ABR: variants seen among roughly 807,000 people sequenced by gnomAD.
ABR encodes the protein active breakpoint cluster region-related protein.
Under a neutral mutation model 107.2 loss-of-function variants are expected in ABR, and 35 were observed. That is an observed-to-expected ratio of 0.33 (90% confidence interval 0.25 to 0.43). ABR has a LOEUF of 0.43. ABR is among the 20% of genes least tolerant of loss of function. The probability of loss-of-function intolerance (pLI) is 1.00; values close to 1 mark genes in which losing one functional copy is unlikely to be tolerated. For missense variants in ABR, 815 were observed against 1,115.2 expected (o/e 0.73, Z 3.83); for synonymous variants, 498 against 462.0 (o/e 1.08, Z -1.00).
chr17:1,164,916 G>T lies in ABR; in HGVS notation c.61+14751C>A, dbSNP rs7222721. On this transcript the variant is annotated intron_variant, in intron 1 of 22. Coordinates refer to ENST00000302538, the MANE Select transcript of ABR (RefSeq NM_021962.5). ...CTCCTGGCCTCAAGTGATCCTCCTG[G>T]CCTCCCAATATGCCCAGCCATATGG... is the stretch of plus-strand genomic sequence containing the variant. Among the ~76,000 whole-genome samples, 821 of 152,100 alleles carry T rather than the reference G, an allele frequency of 5.4e-3. 11 individuals carry two copies. Among genetic ancestry groups the T allele is most frequent in the African/African-American group, 0.019 (773 of 41,480 alleles).
intron 1 of ABR, among the ~76,000 whole-genome samples, chr17:1,206,218 G>A (rs1357372632): frequency 1.3e-5 from 2 of 152,314 alleles, no homozygotes; most frequent in Non-Finnish European, 2.9e-5. Flanking sequence ...GACCACTGAC[G>A]TCACATCACT....
rs2040731581 is a variant in ABR, at chr17:1,150,087, T to G, written c.62-24720A>C. Among the ~76,000 whole-genome samples the G allele has an allele frequency of 1.3e-5, 2 of 152,014 alleles. No individual in the cohort carries two copies. The highest frequency in any genetic ancestry group is 4.2e-4 in the South Asian group (2 of 4,794). On this transcript the variant is annotated intron_variant, in intron 1 of 22. Transcript: ENST00000302538. This position sits in a 1 kb window ranked among gnomAD's most constrained non-coding sequence, Gnocchi z 4.8. ...CTGTTGTTATGATTTCTCCCCATAG[T>G]CCCGGCCTGGGAGAGACACCGAGAG...
At chr17:1,106,611 C>T (rs972192457) in intron 2 of ABR, among the ~76,000 whole-genome samples, 8 of 144,756 alleles carry the variant, frequency 5.5e-5, no homozygotes, top group African/African-American at 2.0e-4. Context: ...CTCGCTGCAA[C>T]CTCTGCCTCC....
At chr17:1,082,792 T>C (rs1431225349) in intron 5 of ABR, among the ~76,000 whole-genome samples, 1 of 152,158 alleles carries the variant, frequency 6.6e-6, no homozygotes, top group Admixed American at 6.5e-5. Context: ...CCAGGAAATC[T>C]GTGTTTTAAA....
At chr17:1,039,023 C>T (rs1484422955) in intron 16 of ABR, among the ~76,000 whole-genome samples, 3 of 152,172 alleles carry the variant, frequency 2.0e-5, no homozygotes, top group African/African-American at 7.2e-5. Context: ...TGAAGGGTCA[C>T]CCGAGGTTGG....
In ABR at chr17:1,179,641, G is replaced by A. The variant is rs1451260465; in HGVS notation, c.61+26C>T. On this transcript the variant is annotated intron_variant, in intron 1 of 22. Transcript: ENST00000302538. This position sits in a 1 kb window ranked among gnomAD's most constrained non-coding sequence, Gnocchi z 4.9. ...CTGGGGTCCCGATCCCGATCCTGGG[G>A]TCCCGCCCCCGCCCGGCACACGTAC... is the stretch of plus-strand genomic sequence containing the variant. 1 of 1,509,710 alleles carries A rather than the reference G, an allele frequency of 6.6e-7. No individual in the cohort carries two copies. The highest frequency in any genetic ancestry group is 8.9e-7 in the Non-Finnish European group (1 of 1,127,890). 93.5% of individuals were successfully genotyped at this position (1,509,710 alleles called of 1,614,324 possible).
chr17:1,215,860 G>T, intron 1 of ABR, among the ~76,000 whole-genome samples: 1 of 148,800 alleles, frequency 6.7e-6, no homozygotes, highest in Non-Finnish European at 1.5e-5. Context: ...GGATCCTGTT[G>T]ATCTGTGACC....
Position 1,050,956 on chromosome 17 carries a change from C to T in ABR, c.1562-322G>A, listed in dbSNP as rs147218833. 2.6e-3 allele frequency among the ~76,000 whole-genome samples: 400 copies of T among 152,038 alleles called. 3 individuals are homozygous for T. Among genetic ancestry groups the T allele is most frequent in the African/African-American group, 9.1e-3 (378 of 41,428 alleles). On this transcript the variant is annotated intron_variant, in intron 14 of 22. Transcript: ENST00000302538. This position sits in a 1 kb window ranked among gnomAD's most constrained non-coding sequence, Gnocchi z 4.6. The stretch of plus-strand genomic sequence containing the variant: ...GCCCTCCCCACACTCTGGCCTCCTC[C>T]TCCCTCTAAAGGGCCCTTGACTGTT...
chr17:1,034,407 G>A (rs2073018125), intron 16 of ABR, among the ~76,000 whole-genome samples: 1 of 152,172 alleles, frequency 6.6e-6, no homozygotes, highest in Non-Finnish European at 1.5e-5. Flanking sequence ...AGGCAGACAA[G>A]CATTTGTGCA....
intron 1 of ABR, among the ~76,000 whole-genome samples, chr17:1,138,458 T>A (rs1001695326): frequency 6.6e-6 from 1 of 152,018 alleles, no homozygotes; most frequent in Non-Finnish European, 1.5e-5. Flanking sequence ...TTGAAAAGCT[T>A]TTTTTTGTTT....
intron 1 of ABR, among the ~76,000 whole-genome samples, chr17:1,206,638 T>C (rs1338628352): frequency 1.8e-4 from 28 of 152,130 alleles, no homozygotes; most frequent in Admixed American, 1.8e-3. Context: ...GTTAGATGGG[T>C]TGATCTTGAA....
chr17:1,110,541 AT>A (rs2038612435), intron 2 of ABR, among the ~76,000 whole-genome samples: 1 of 152,196 alleles, frequency 6.6e-6, no homozygotes, highest in African/African-American at 2.4e-5. Flanking sequence ...ATGGCAAATA[AT>A]TAACATTTTA....
rs757854110 is a variant in ABR, at chr17:1,079,442, AG to A, written c.640-53del. 1.5e-4 allele frequency: 232 copies of A among 1,525,962 alleles called. 2 individuals are homozygous for A. The highest frequency in any genetic ancestry group is 1.4e-3 in the South Asian group (118 of 86,896). The allele number at this position is 1,525,962 out of a possible 1,614,324, so 94.5% of individuals were successfully genotyped here. ...GCCTGTTCTGTCCCTCACCTCTCCC[AG>A]CCCCCACTGTGAGCCTGGCAAGAAG... On this transcript the variant is annotated intron_variant, in intron 5 of 22. Transcript: ENST00000302538.
chr17:1,076,723 T>C (rs751757081), intron 6 of ABR, among the ~76,000 whole-genome samples: 26 of 12,916 alleles, frequency 2.0e-3, no homozygotes, highest in Non-Finnish European at 3.5e-3. Flanking sequence ...ACGGGGGGGG[T>C]GGGGGTGGGG....
chr17:1,043,439 G>A (rs1171223857), intron 16 of ABR, among the ~76,000 whole-genome samples: 1 of 152,198 alleles, frequency 6.6e-6, no homozygotes, highest in Non-Finnish European at 1.5e-5. Context: ...AAAGTGCTGG[G>A]ATTACAGGCG....
chr17:1,121,947 G>A (rs1567794129), intron 2 of ABR, among the ~76,000 whole-genome samples: 1 of 152,226 alleles, frequency 6.6e-6, no homozygotes, highest in Non-Finnish European at 1.5e-5. Context: ...TTGTCACCCA[G>A]GCTGGAGCGC....
chr17:1,031,826 C>T, intron 16 of ABR: 1 of 1,226,940 alleles, frequency 8.2e-7, no homozygotes. Flanking sequence ...GTTCCCTAGT[C>T]CCGCCGGCTT....
intron 3 of ABR, among the ~76,000 whole-genome samples, chr17:1,094,266 C>T (rs2037245651): frequency 6.6e-6 from 1 of 152,212 alleles, no homozygotes; most frequent in Admixed American, 6.5e-5. Flanking sequence ...CATCCCTGGG[C>T]TTCGTGTCAC....
Position 1,172,558 on chromosome 17 carries a change from G to A in ABR, c.61+7109C>T, listed in dbSNP as rs954963123. Among the ~76,000 whole-genome samples, 3 of 152,258 alleles carry A rather than the reference G, an allele frequency of 2.0e-5. 1 individual carries two copies. In the East Asian group the frequency reaches 5.8e-4, roughly 29 times the overall value. On this transcript the variant is annotated intron_variant, in intron 1 of 22. Transcript: ENST00000302538. ...GAGGTCACGAGATCGAGACCATCCT[G>A]GCCAACATGGTGAAACCCCGTCTCT...
Sources: gnomAD v4.1 joint callset for allele counts (sites outside exome capture counted in the v4.1 genomes callset) on GRCh38, gnomAD v4.1.1 for gene constraint, Gnocchi (gnomAD v3.1) non-coding constraint, MANE v1.5 for transcripts, NCBI Gene and HGNC (gene_info 2026-07-23, HGNC 2026-07-21) for gene names.